The following ENPP3 variants were observed in gnomAD, a reference collection of about 807,000 sequenced individuals.
ENPP3 encodes the protein ectonucleotide pyrophosphatase/phosphodiesterase family member 3.
A neutral mutation model predicts 117.8 loss-of-function variants in ENPP3; 104 were observed. That is an observed-to-expected ratio of 0.88 (90% confidence interval 0.75 to 1.04). The LOEUF is 1.04. Ranked by LOEUF, ENPP3 falls within the 50% of genes least tolerant of loss-of-function variation. The probability of loss-of-function intolerance (pLI) is 0.00; values close to 1 mark genes in which losing one functional copy is unlikely to be tolerated. For missense variants in ENPP3, 1,026 were observed against 1,051.9 expected, an observed-to-expected ratio of 0.98 and a Z score of 0.34; for synonymous variants, 380 against 349.9, an observed-to-expected ratio of 1.09 and a Z score of -0.96.
intron 11 of ENPP3, among the ~76,000 whole-genome samples, chr6:131,679,646 A>G (rs1004302615): frequency 1.6e-4 from 25 of 152,032 alleles, no homozygotes; most frequent in African/African-American, 5.8e-4. Context: ...AATCTAGTCT[A>G]GAGTAGGGTG....
In ENPP3 at chr6:131,654,695, G is replaced by A. The variant is rs577520076; in HGVS notation, c.464+1804G>A. On this transcript the variant is annotated intron_variant, in intron 5 of 24. Transcript: ENST00000357639. ...TGGGCTCAAGTGATCCTGCCATCTT[G>A]GCCTCCCAAAGTGCTGGGATTACAG... is the stretch of plus-strand genomic sequence containing the variant. Among the ~76,000 whole-genome samples the A allele has an allele frequency of 2.1e-4, 32 of 151,934 alleles. No homozygotes were observed. The South Asian group carries it at 5.6e-3, about 27-fold the overall frequency.
chr6:131,680,978 G>T (rs936475607), intron 11 of ENPP3, among the ~76,000 whole-genome samples: 3 of 152,046 alleles, frequency 2.0e-5, no homozygotes, highest in African/African-American at 7.2e-5. Context: ...TTTCAAAACT[G>T]TAAAGAGTCC....
At position 131,674,162 on chromosome 6, in the gene ENPP3, G is replaced by A. The variant is rs1390516762; in HGVS notation, c.643G>A (p.Gly215Ser). 6.6e-7 allele frequency: 1 copy of A among 1,517,658 alleles called. No individual in the cohort carries two copies. The highest frequency in any genetic ancestry group is 2.3e-5 in the East Asian group (1 of 44,128). 94.0% of individuals were successfully genotyped at this position (1,517,658 alleles called of 1,614,324 possible). Residue 215 changes from glycine (G) to serine (S), a missense_variant and splice_region_variant, in exon 8 of 25, where the codon GGC becomes AGC. Physicochemically the swap from Gly to Ser is moderately conservative, Grantham distance 56. Coordinates refer to ENST00000357639, the MANE Select transcript of ENPP3 (RefSeq NM_005021.5). ...ATCTTTTTTGAAATTATCATTTTAGGGCTTGTATCCAGAGTCACATGGCAT... is the reference window on the plus strand; with the variant it reads ...ATCTTTTTTGAAATTATCATTTTAGAGCTTGTATCCAGAGTCACATGGCAT... ...TFPNHYTIVT[G>S]LYPESHGIID...
chr6:131,650,707 C>G (rs929967074), intron 3 of ENPP3, among the ~76,000 whole-genome samples: 4 of 152,164 alleles, frequency 2.6e-5, no homozygotes, highest in African/African-American at 9.7e-5. Context: ...AGAATCCGCT[C>G]CATGCCTCTC....
At position 131,718,734 on chromosome 6, in the gene ENPP3, T is replaced by C; in HGVS notation, c.1475T>C (p.Met492Thr). The C allele has an allele frequency of 1.3e-6, 2 of 1,593,406 alleles. No homozygotes were observed. Among genetic ancestry groups the C allele is most frequent in the Non-Finnish European group, 8.6e-7 (1 of 1,167,114 alleles). ...GGTTATAACAATGAGTTTAGGAGCA[T>C]GGAGGTAACTTACTGCTTTTTTTTT... ...NHGYNNEFRS[M>T]EAIFLAHGPS... Residue 492 changes from methionine to threonine, a missense_variant, in exon 16 of 25, where the codon ATG (methionine) becomes ACG (threonine). Physicochemically the swap from Met to Thr is moderately conservative, Grantham distance 81. Coordinates refer to ENST00000357639, the MANE Select transcript of ENPP3 (RefSeq NM_005021.5).
At chr6:131,659,788 C>G (rs1319014625) in intron 6 of ENPP3, among the ~76,000 whole-genome samples, 2 of 152,176 alleles carry the variant, frequency 1.3e-5, no homozygotes, top group Non-Finnish European at 2.9e-5. Context: ...AGAAAGTTAA[C>G]TAACACTTCT....
intron 6 of ENPP3, among the ~76,000 whole-genome samples, chr6:131,669,183 CTTATT>C (rs1294730942): frequency 6.6e-6 from 1 of 152,072 alleles, no homozygotes; most frequent in Non-Finnish European, 1.5e-5. Context: ...TGGACTAGAT[CTTATT>C]TTATTTTCTT....
In ENPP3 at chr6:131,678,958, T is replaced by TTTCC. The variant is rs1295088881; in HGVS notation, c.1011+1057_1011+1060dup. ...CTTTCTTTCTTTCTTTCTTTCTTTC[T>TTTCC]TTCCTTCCTTCCTTCCTTCCTTCCT... is the stretch of plus-strand genomic sequence containing the variant. On this transcript the variant is annotated intron_variant, in intron 11 of 24. Coordinates refer to ENST00000357639, the MANE Select transcript of ENPP3 (RefSeq NM_005021.5). 3.4e-3 allele frequency among the ~76,000 whole-genome samples: 279 copies of TTTCC among 82,878 alleles called. 4 individuals are homozygous for TTTCC. Among genetic ancestry groups the TTTCC allele is most frequent in the Middle Eastern group, 0.027 (4 of 150 alleles). The allele number at this position is 82,878 out of a possible 152,430, so 54.4% of individuals were successfully genotyped here.
chr6:131,735,668 A>G (rs1562481725), intron 21 of ENPP3, among the ~76,000 whole-genome samples: 1 of 152,202 alleles, frequency 6.6e-6, no homozygotes, highest in African/African-American at 2.4e-5. Context: ...GAAAATTCAT[A>G]TAAGTGGAAT....
At chr6:131,648,924 C>T (rs1778205637) in intron 2 of ENPP3, among the ~76,000 whole-genome samples, 1 of 152,122 alleles carries the variant, frequency 6.6e-6, no homozygotes, top group South Asian at 2.1e-4. Flanking sequence ...TCTCTCTTTC[C>T]TGAGCTTCAG....
intron 2 of ENPP3, among the ~76,000 whole-genome samples, chr6:131,645,039 G>A (rs1237482072): frequency 1.3e-5 from 2 of 152,064 alleles, no homozygotes; most frequent in African/African-American, 4.8e-5. Context: ...CATCAGAATT[G>A]CCATGCATAC....
chr6:131,712,380 A>G (rs546517887), intron 15 of ENPP3, among the ~76,000 whole-genome samples: 1 of 148,852 alleles, frequency 6.7e-6, no homozygotes, highest in South Asian at 2.1e-4. Context: ...CCTAGTTTTA[A>G]GCTGTGTTAT....
At chr6:131,685,238 C>A in intron 12 of ENPP3, 126 bp from the exon 13 acceptor site, 2 of 845,084 alleles carry the variant, frequency 2.4e-6, no homozygotes, top group South Asian at 1.7e-5. Flanking sequence ...GGGTGAATTG[C>A]GTAAATTCTC....
chr6:131,746,924 A>G lies in ENPP3; in HGVS notation c.2596A>G (p.Thr866Ala), dbSNP rs190621830. 1.2e-6 allele frequency: 2 copies of G among 1,608,010 alleles called. No individual in the cohort carries two copies. The highest frequency in any genetic ancestry group is 2.7e-5 in the African/African-American group (2 of 74,908). Reference protein sequence around the residue: ...QPVSEILQLKTYLPTFETTI With the variant: ...QPVSEILQLKAYLPTFETTI ...TGTCTCTGAAATTTTGCAACTAAAG[A>G]CATATTTACCAACATTTGAAACCAC... The change falls in exon 25 of 25, where the codon ACA becomes GCA. Residue 866 changes from threonine to alanine, a missense_variant. Physicochemically the swap from Thr to Ala is moderately conservative, Grantham distance 58. Coordinates refer to ENST00000357639, the MANE Select transcript of ENPP3 (RefSeq NM_005021.5).
In ENPP3 at chr6:131,726,374, G is replaced by T. The variant is rs529220790; in HGVS notation, c.1953+174G>T. On this transcript the variant is annotated intron_variant, in intron 20 of 24. Transcript: ENST00000357639. ...AAAGGTTGTTATAGGTGCTACACGGGTGCAAAAGAGGAACACATTGTGTTT... is the reference window on the plus strand; with the variant it reads ...AAAGGTTGTTATAGGTGCTACACGGTTGCAAAAGAGGAACACATTGTGTTT... Among the ~76,000 whole-genome samples, 58 of 152,308 alleles carry T rather than the reference G, an allele frequency of 3.8e-4. 1 individual carries two copies. The highest frequency in any genetic ancestry group is 2.7e-3 in the Admixed American group (41 of 15,300).
intron 11 of ENPP3, among the ~76,000 whole-genome samples, chr6:131,679,204 C>T (rs1023043134): frequency 1.3e-5 from 2 of 151,544 alleles, no homozygotes; most frequent in Non-Finnish European, 2.9e-5. Flanking sequence ...AAGCAGTTCT[C>T]CTGTCTCAGC....
intron 21 of ENPP3, among the ~76,000 whole-genome samples, chr6:131,736,006 G>A (rs777707849): frequency 6.6e-6 from 1 of 152,182 alleles, no homozygotes; most frequent in Non-Finnish European, 1.5e-5. Context: ...AAATGAAAAA[G>A]GATTTGAATA....
intron 1 of ENPP3, among the ~76,000 whole-genome samples, chr6:131,641,049 G>A (rs1364285886): frequency 6.6e-6 from 1 of 151,666 alleles, no homozygotes; most frequent in African/African-American, 2.4e-5. Flanking sequence ...CTTAGAATGA[G>A]GCAGTTAAGG....
chr6:131,712,828 G>A (rs977893915), intron 15 of ENPP3, among the ~76,000 whole-genome samples: 13 of 147,960 alleles, frequency 8.8e-5, no homozygotes, highest in Non-Finnish European at 1.9e-4. Context: ...AGGTCAGGAA[G>A]ATGCCTTTCT....
Sources: allele counts gnomAD v4.1 joint callset (sites outside exome capture counted in the v4.1 genomes callset), GRCh38; gene constraint gnomAD v4.1.1; transcripts MANE v1.5; gene names NCBI Gene and HGNC (gene_info 2026-07-23, HGNC 2026-07-21).